The following CTDSPL variants were observed in gnomAD, a reference collection of about 807,000 sequenced individuals.
The protein encoded by CTDSPL is CTD small phosphatase-like protein.
Under a neutral mutation model 30.5 loss-of-function variants are expected in CTDSPL, and 8 were observed. The observed-to-expected ratio is 0.26, with a 90% confidence interval of 0.15 to 0.47. CTDSPL has a LOEUF of 0.47. Ranked by LOEUF, CTDSPL falls within the 20% of genes least tolerant of loss-of-function variation. The pLI is 0.99. For synonymous variants in CTDSPL, 110 were observed against 137.9 expected (o/e 0.80, Z 1.42); for missense variants, 248 against 366.1 (o/e 0.68, Z 2.63).
intron 1 of CTDSPL, among the ~76,000 whole-genome samples, chr3:37,887,231 C>T (rs192542397): frequency 3.3e-5 from 5 of 152,254 alleles, no homozygotes; most frequent in East Asian, 1.9e-4. Context: ...TTGTGGGAAA[C>T]GCTCCGTTTG....
intron 1 of CTDSPL, among the ~76,000 whole-genome samples, chr3:37,927,684 G>GTGTATA (rs372845166): frequency 1.1e-4 from 13 of 117,774 alleles, no homozygotes; most frequent in Non-Finnish European, 1.7e-4. Context: ...GTGTGTATGT[G>GTGTATA]TATATATATA....
At chr3:37,899,584 A>G (rs571498578) in intron 1 of CTDSPL, among the ~76,000 whole-genome samples, 3 of 152,356 alleles carry the variant, frequency 2.0e-5, no homozygotes, top group East Asian at 3.9e-4. Context: ...GCAAGTGAGA[A>G]TTCTGAGCTT....
chr3:37,983,031 G>A lies in CTDSPL; in HGVS notation c.*2164G>A, dbSNP rs115135888. The A allele has an allele frequency of 5.6e-3, 1,076 of 191,684 alleles. 10 individuals carry two copies. Among genetic ancestry groups the A allele is most frequent in the African/African-American group, 0.025 (1,045 of 42,572 alleles). The allele number at this position is 191,684 out of a possible 1,614,324, so 11.9% of individuals were successfully genotyped here. A position where few individuals can be genotyped will look rare whatever the true frequency, so the allele number is the denominator to read the frequency against. On this transcript the variant is annotated 3_prime_UTR_variant, in exon 8 of 8. Transcript: ENST00000273179. ...CTAGGGATAGTGCTCCACTTCTGAC[G>A]ATGGAGTGAAGACACTTGGCAGACT...
At chr3:37,867,358 C>G (rs1162345245) in intron 1 of CTDSPL, among the ~76,000 whole-genome samples, 1 of 152,050 alleles carries the variant, frequency 6.6e-6, no homozygotes, top group Non-Finnish European at 1.5e-5. Flanking sequence ...ACCATTCACG[C>G]TTTGAATGAT....
intron 1 of CTDSPL, among the ~76,000 whole-genome samples, chr3:37,902,182 TA>T (rs1320533703): frequency 1.3e-5 from 2 of 152,238 alleles, no homozygotes; most frequent in Non-Finnish European, 1.5e-5. Flanking sequence ...TTGCCATCCC[TA>T]AGGAATCAGA....
At chr3:37,903,442 TGGG>T (rs1440319207) in intron 1 of CTDSPL, among the ~76,000 whole-genome samples, 1 of 152,160 alleles carries the variant, frequency 6.6e-6, no homozygotes, top group Admixed American at 6.6e-5. Context: ...TTTTGGAAGC[TGGG>T]GCAGGGGGTG....
At chr3:37,916,510 C>T (rs1698649303) in intron 1 of CTDSPL, among the ~76,000 whole-genome samples, 2 of 151,868 alleles carry the variant, frequency 1.3e-5, no homozygotes, top group South Asian at 2.1e-4. Flanking sequence ...TGACTGCTGC[C>T]CTTATAAGAA....
intron 1 of CTDSPL, among the ~76,000 whole-genome samples, chr3:37,893,295 T>C (rs747609617): frequency 3.3e-5 from 5 of 152,226 alleles, no homozygotes; most frequent in Non-Finnish European, 5.9e-5. Context: ...AGGAAATCTT[T>C]GTGTTACCAA....
chr3:37,915,249 C>G (rs1698632794), intron 1 of CTDSPL, among the ~76,000 whole-genome samples: 1 of 151,904 alleles, frequency 6.6e-6, no homozygotes, highest in Admixed American at 6.6e-5. Flanking sequence ...TTCTCTTTGT[C>G]TTTGGTGCTG....
intron 1 of CTDSPL, among the ~76,000 whole-genome samples, chr3:37,863,989 G>A (rs1697977855): frequency 6.6e-6 from 1 of 152,206 alleles, no homozygotes. Flanking sequence ...GGACCCAAGT[G>A]GGCAGCTGCT....
At chr3:37,962,145 A>G (rs779577324) in intron 3 of CTDSPL, among the ~76,000 whole-genome samples, 1 of 152,180 alleles carries the variant, frequency 6.6e-6, no homozygotes, top group African/African-American at 2.4e-5. Context: ...GGTGCAGGAC[A>G]TTTCTTAGTT....
intron 6 of CTDSPL, among the ~76,000 whole-genome samples, chr3:37,973,027 T>C (rs566061066): frequency 6.6e-6 from 1 of 152,306 alleles, no homozygotes; most frequent in East Asian, 1.9e-4. Context: ...GTTGGGTCCA[T>C]CTCTGTGATG....
chr3:37,966,654 G>C (rs1440359809), intron 4 of CTDSPL, among the ~76,000 whole-genome samples: 2 of 152,202 alleles, frequency 1.3e-5, no homozygotes, highest in African/African-American at 2.4e-5. Flanking sequence ...AATAAACAGT[G>C]ATCATAAGCT....
chr3:37,977,777 G>A (rs143945719), intron 7 of CTDSPL, among the ~76,000 whole-genome samples: 3 of 151,818 alleles, frequency 2.0e-5, no homozygotes, highest in South Asian at 2.1e-4. Context: ...TTCCACTGTC[G>A]TTCCAGCTAC....
chr3:37,899,144 T>C (rs1175286240), intron 1 of CTDSPL, among the ~76,000 whole-genome samples: 1 of 152,192 alleles, frequency 6.6e-6, no homozygotes, highest in Non-Finnish European at 1.5e-5. Flanking sequence ...TAGGCAGTGA[T>C]ACCCTGGGCT....
At chr3:37,900,482 A>G (rs968861267) in intron 1 of CTDSPL, among the ~76,000 whole-genome samples, 1 of 152,230 alleles carries the variant, frequency 6.6e-6, no homozygotes. Context: ...TGAAGAAAGA[A>G]AGGGAAAGTG....
intron 1 of CTDSPL, among the ~76,000 whole-genome samples, chr3:37,875,873 C>T (rs956949688): frequency 8.5e-5 from 13 of 152,150 alleles, no homozygotes; most frequent in African/African-American, 1.9e-4. Context: ...TATTGGTAAG[C>T]GTTAGTTTTT....
Position 37,941,419 on chromosome 3 carries a change from CT to C in CTDSPL, c.80-5624del, listed in dbSNP as rs770518070. Among the ~76,000 whole-genome samples the C allele has an allele frequency of 3.4e-3, 476 of 139,266 alleles. 3 individuals are homozygous for C. Among genetic ancestry groups the C allele is most frequent in the African/African-American group, 4.0e-3 (156 of 38,962 alleles). The allele number at this position is 139,266 out of a possible 152,430, so 91.4% of individuals were successfully genotyped here. Reference sequence around the variant, plus strand: ...GCATGCTTTCTTTCTATCTTTTTTTCTTTTTTTTTTTTTTGAGACAGAGTCT... The same window carrying C: ...GCATGCTTTCTTTCTATCTTTTTTTCTTTTTTTTTTTTTGAGACAGAGTCT... On this transcript the variant is annotated intron_variant, in intron 1 of 7. Coordinates refer to ENST00000273179, the MANE Select transcript of CTDSPL (RefSeq NM_001008392.2).
At chr3:37,976,334 A>G (rs1699427589) in intron 7 of CTDSPL, among the ~76,000 whole-genome samples, 1 of 152,134 alleles carries the variant, frequency 6.6e-6, no homozygotes, top group Non-Finnish European at 1.5e-5. Context: ...TCTTTAACAG[A>G]AGTATTTCTT....
Sources: gnomAD v4.1 joint callset for allele counts (sites outside exome capture counted in the v4.1 genomes callset) on GRCh38, gnomAD v4.1.1 for gene constraint, MANE v1.5 for transcripts, NCBI Gene and HGNC (gene_info 2026-07-23, HGNC 2026-07-21) for gene names.